PTCSC3: variants seen among roughly 807,000 people sequenced by gnomAD.
The protein encoded by PTCSC3 is papillary thyroid carcinoma susceptibility candidate 3, also known as papillary thyroid carcinoma susceptibility candidate 3 (non-protein coding).
intron 1 of PTCSC3, among the ~76,000 whole-genome samples, chr14:36,175,534 A>G (rs1012603428): frequency 6.6e-6 from 1 of 152,178 alleles, no homozygotes; most frequent in Admixed American, 6.5e-5. Flanking sequence ...CCAGTTGCAA[A>G]AACTCAAAAG....
chr14:36,150,805 A>G (rs1881704324), intron 3 of PTCSC3, among the ~76,000 whole-genome samples: 1 of 152,192 alleles, frequency 6.6e-6, no homozygotes, highest in Non-Finnish European at 1.5e-5. Flanking sequence ...TTATAACAAA[A>G]TCTTCCCAAT....
chr14:36,171,759 C>A (rs890213921), intron 1 of PTCSC3, among the ~76,000 whole-genome samples: 2 of 152,172 alleles, frequency 1.3e-5, no homozygotes, highest in Non-Finnish European at 2.9e-5. Flanking sequence ...GTTTAAGAAA[C>A]GTTTTGCCAC....
chr14:36,138,040 T>C (rs1334790856), intron 3 of PTCSC3, among the ~76,000 whole-genome samples: 1 of 152,038 alleles, frequency 6.6e-6, no homozygotes, highest in Non-Finnish European at 1.5e-5. Flanking sequence ...ATATTTAACA[T>C]CTGGGGTGGT....
At chr14:36,142,300 T>C (rs946165423) in intron 3 of PTCSC3, among the ~76,000 whole-genome samples, 2 of 152,236 alleles carry the variant, frequency 1.3e-5, no homozygotes, top group Non-Finnish European at 2.9e-5. Context: ...AACCTGATTT[T>C]ATGGATTATA....
At chr14:36,163,231 A>AT (rs1205465535) in intron 1 of PTCSC3, among the ~76,000 whole-genome samples, 1 of 152,148 alleles carries the variant, frequency 6.6e-6, no homozygotes, top group Non-Finnish European at 1.5e-5. Flanking sequence ...AACTTTAAAA[A>AT]TTTTGAAAAG....
chr14:36,136,739 TATC>T (rs1049051381), intron 3 of PTCSC3, among the ~76,000 whole-genome samples: 1 of 152,180 alleles, frequency 6.6e-6, no homozygotes, highest in Non-Finnish European at 1.5e-5. Context: ...GCAAATAAGA[TATC>T]ATCAAATAGT....
rs558749811 is a variant in PTCSC3, at chr14:36,153,524, G to A, written n.322+280C>T. 2.0e-5 allele frequency among the ~76,000 whole-genome samples: 3 copies of A among 152,280 alleles called. No individual in the cohort carries two copies. In the East Asian group the frequency reaches 5.8e-4, roughly 29 times the overall value. On this transcript the variant is annotated intron_variant and non_coding_transcript_variant, in intron 3 of 3. Transcript: ENST00000556013. ...AAACTCTCACTTACTACTAATAGGA[G>A]ATTATTTGTACAACCACTTTGGAAC...
At chr14:36,173,960 T>C (rs568843610) in intron 1 of PTCSC3, among the ~76,000 whole-genome samples, 1 of 152,308 alleles carries the variant, frequency 6.6e-6, no homozygotes, top group African/African-American at 2.4e-5. Flanking sequence ...CATTCTTGTT[T>C]TTGTCCCATT....
chr14:36,146,560 G>C (rs1390657555), intron 3 of PTCSC3, among the ~76,000 whole-genome samples: 8 of 152,222 alleles, frequency 5.3e-5, no homozygotes, highest in Middle Eastern at 6.8e-3. Flanking sequence ...GTGTGTCTCT[G>C]CACATGAGAT....
At chr14:36,167,693 A>C (rs1197922955) in intron 1 of PTCSC3, among the ~76,000 whole-genome samples, 1 of 152,120 alleles carries the variant, frequency 6.6e-6, no homozygotes, top group Non-Finnish European at 1.5e-5. Flanking sequence ...CCAACACAAT[A>C]AAATAAGCTG....
chr14:36,165,029 G>A (rs543927182), intron 1 of PTCSC3: 2 of 152,260 alleles, frequency 1.3e-5, no homozygotes, highest in African/African-American at 2.4e-5. Flanking sequence ...GGGGGTATCC[G>A]GGGGAATAAC....
At chr14:36,171,271 ACTAT>A (rs1882187912) in intron 1 of PTCSC3, among the ~76,000 whole-genome samples, 1 of 152,162 alleles carries the variant, frequency 6.6e-6, no homozygotes, top group African/African-American at 2.4e-5. Flanking sequence ...TTATAAACAC[ACTAT>A]CTAGCTGCCA....
chr14:36,139,103 G>A (rs1881356989), intron 3 of PTCSC3, among the ~76,000 whole-genome samples: 1 of 127,382 alleles, frequency 7.9e-6, no homozygotes, highest in Non-Finnish European at 1.6e-5. Flanking sequence ...GACAGAGCGA[G>A]ACTCCATCTC....
chr14:36,139,785 A>G (rs144236362), intron 3 of PTCSC3, among the ~76,000 whole-genome samples: 22 of 152,308 alleles, frequency 1.4e-4, no homozygotes, highest in African/African-American at 4.8e-4. Context: ...AGCGTCTTGC[A>G]TTAGTGTGGT....
At chr14:36,170,703 T>C (rs1020142953) in intron 1 of PTCSC3, among the ~76,000 whole-genome samples, 1 of 152,060 alleles carries the variant, frequency 6.6e-6, no homozygotes, top group East Asian at 1.9e-4. Context: ...GACTCAAAAA[T>C]TTTTTTAACA....
At chr14:36,145,454 G>A (rs1881539258) in intron 3 of PTCSC3, among the ~76,000 whole-genome samples, 1 of 149,774 alleles carries the variant, frequency 6.7e-6, no homozygotes, top group Non-Finnish European at 1.5e-5. Context: ...GCGTAGAGGT[G>A]TTTGTAGTAT....
chr14:36,152,261 T>C (rs562041872), intron 3 of PTCSC3, among the ~76,000 whole-genome samples: 1 of 152,108 alleles, frequency 6.6e-6, no homozygotes, highest in East Asian at 1.9e-4. Flanking sequence ...AATTGGACTT[T>C]ATTAAAATAA....
At chr14:36,152,280 CT>C (rs992704398) in intron 3 of PTCSC3, among the ~76,000 whole-genome samples, 5 of 151,548 alleles carry the variant, frequency 3.3e-5, no homozygotes, top group Non-Finnish European at 5.9e-5. Context: ...AAAAAAAAAA[CT>C]TTTTTTCATC....
At chr14:36,147,666 A>G (rs1370366702) in intron 3 of PTCSC3, among the ~76,000 whole-genome samples, 1 of 151,884 alleles carries the variant, frequency 6.6e-6, no homozygotes, top group African/African-American at 2.4e-5. Context: ...TCAGCTCGTC[A>G]AAGTCATTCT....
Sources: allele counts gnomAD v4.1 joint callset (sites outside exome capture counted in the v4.1 genomes callset), GRCh38; gene constraint gnomAD v4.1.1; transcripts MANE v1.5; gene names NCBI Gene and HGNC (gene_info 2026-07-23, HGNC 2026-07-21).